NCAM2: variants seen among roughly 807,000 people sequenced by gnomAD.
The protein encoded by NCAM2 is N-CAM-2.
NCAM2 carries 30 observed loss-of-function variants against 98.1 expected under a neutral mutation model. The observed-to-expected ratio is 0.31, with a 90% CI of 0.23 to 0.41. The LOEUF is 0.41. Among genes scored for constraint, NCAM2 ranks in the 10% least tolerant of loss-of-function variants. The probability of loss-of-function intolerance (pLI) is 1.00; values close to 1 mark genes in which losing one functional copy is unlikely to be tolerated. For synonymous variants in NCAM2, 368 were observed against 342.4 expected (o/e 1.07, Z -0.83); for missense variants, 867 against 1,005.8 (o/e 0.86, Z 1.87).
At position 21,433,742 on chromosome 21, in the gene NCAM2, CAATAAAATAAAATAAAATAA is replaced by C. The variant is rs71322060; in HGVS notation, c.1654+1499_1654+1518del. On this transcript the variant is annotated intron_variant, in intron 12 of 17. Transcript: ENST00000400546. Reference sequence around the variant, plus strand: ...TGGGCGACAGAGCAAGACTCCATCTCAATAAAATAAAATAAAATAAAATAAAATAAAATAAAATAAAATAA... The same window carrying C: ...TGGGCGACAGAGCAAGACTCCATCTCAATAAAATAAAATAAAATAAAATAA... Among the ~76,000 whole-genome samples, 480 of 105,208 alleles carry C rather than the reference CAATAAAATAAAATAAAATAA, an allele frequency of 4.6e-3. 2 individuals are homozygous for C. Among genetic ancestry groups the C allele is most frequent in the African/African-American group, 0.016 (409 of 25,658 alleles). The allele number at this position is 105,208 out of a possible 152,430, so 69.0% of individuals were successfully genotyped here.
intron 1 of NCAM2, among the ~76,000 whole-genome samples, chr21:21,198,135 C>T (rs1043274380): frequency 2.2e-4 from 33 of 150,962 alleles, no homozygotes; most frequent in Non-Finnish European, 4.0e-4. Flanking sequence ...TCAGCTGCTA[C>T]TTATCTACCT....
intron 1 of NCAM2, among the ~76,000 whole-genome samples, chr21:21,141,130 A>C (rs1477006373): frequency 6.6e-6 from 1 of 152,182 alleles, no homozygotes; most frequent in Non-Finnish European, 1.5e-5. Flanking sequence ...TAGAAGACAT[A>C]ACACTTCATA....
intron 9 of NCAM2, among the ~76,000 whole-genome samples, chr21:21,376,596 A>G (rs2148066352): frequency 6.6e-6 from 1 of 151,960 alleles, no homozygotes; most frequent in South Asian, 2.1e-4. Flanking sequence ...AAACAACTGT[A>G]TATTGCAATT....
intron 15 of NCAM2, among the ~76,000 whole-genome samples, chr21:21,486,448 G>A (rs796855979): frequency 1.4e-4 from 21 of 151,230 alleles, no homozygotes; most frequent in East Asian, 5.9e-4. Context: ...CCAATATTCC[G>A]TTTATTAAAT....
chr21:21,352,091 G>T (rs912662052), intron 8 of NCAM2, among the ~76,000 whole-genome samples: 3 of 151,684 alleles, frequency 2.0e-5, no homozygotes, highest in African/African-American at 7.3e-5. Flanking sequence ...TTTTGAGAAA[G>T]GGTCTTGCTT....
At chr21:21,367,064 C>T (rs573542667) in intron 8 of NCAM2, among the ~76,000 whole-genome samples, 10 of 152,050 alleles carry the variant, frequency 6.6e-5, no homozygotes, top group African/African-American at 2.4e-4. Context: ...ACATTATCAC[C>T]ATATCTCTGA....
intron 9 of NCAM2, among the ~76,000 whole-genome samples, chr21:21,408,462 A>T (rs1263028072): frequency 6.6e-6 from 1 of 152,126 alleles, no homozygotes; most frequent in African/African-American, 2.4e-5. Context: ...TTTTCTCTGG[A>T]TACATACTGG....
At position 21,329,689 on chromosome 21, in the gene NCAM2, G is replaced by C. The variant is rs181874700; in HGVS notation, c.737+5189G>C. On this transcript the variant is annotated intron_variant, in intron 6 of 17. Coordinates refer to ENST00000400546, the MANE Select transcript of NCAM2 (RefSeq NM_004540.5). Reference sequence around the variant, plus strand: ...TTACTAGTGTCAGAGAATGAGTAGTGAAGTATTTCTTCCTCTTCTGTTTTC... The same window carrying C: ...TTACTAGTGTCAGAGAATGAGTAGTCAAGTATTTCTTCCTCTTCTGTTTTC... 1.5e-3 allele frequency among the ~76,000 whole-genome samples: 226 copies of C among 151,538 alleles called. 2 individuals are homozygous for C. The highest frequency in any genetic ancestry group is 5.3e-3 in the African/African-American group (219 of 41,250).
chr21:21,143,131 T>A (rs1316426554), intron 1 of NCAM2, among the ~76,000 whole-genome samples: 1 of 152,074 alleles, frequency 6.6e-6, no homozygotes, highest in Non-Finnish European at 1.5e-5. Context: ...GATTTTAACA[T>A]TTTTTTGTCT....
chr21:21,278,220 C>T (rs1010734455), intron 1 of NCAM2, among the ~76,000 whole-genome samples: 1 of 151,668 alleles, frequency 6.6e-6, no homozygotes, highest in Non-Finnish European at 1.5e-5. Context: ...TATCCATAAA[C>T]ATTCTCAAGT....
At chr21:21,518,339 A>T (rs1445831894) in intron 16 of NCAM2, among the ~76,000 whole-genome samples, 1 of 152,184 alleles carries the variant, frequency 6.6e-6, no homozygotes, top group Non-Finnish European at 1.5e-5. Context: ...ACAAAATGCA[A>T]ACTGCATATT....
At chr21:21,199,703 C>T (rs1350819017) in intron 1 of NCAM2, among the ~76,000 whole-genome samples, 10 of 152,132 alleles carry the variant, frequency 6.6e-5, no homozygotes, top group Non-Finnish European at 1.2e-4. Context: ...TACACATTAC[C>T]ACTGCATAGA....
Position 21,242,862 on chromosome 21 carries a change from C to A in NCAM2, c.56-37716C>A, listed in dbSNP as rs572497523. Among the ~76,000 whole-genome samples the A allele has an allele frequency of 4.1e-4, 63 of 152,130 alleles. No individual in the cohort carries two copies. In the South Asian group the frequency reaches 0.013, roughly 31 times the overall value. On this transcript the variant is annotated intron_variant, in intron 1 of 17. Coordinates refer to ENST00000400546, the MANE Select transcript of NCAM2 (RefSeq NM_004540.5). ...CTTAACATTTAAGTAGGAGGAAAAG[C>A]TTTTGGAATTGCTATGAAGGGAAAG...
intron 1 of NCAM2, among the ~76,000 whole-genome samples, chr21:21,275,211 C>T (rs941511870): frequency 3.9e-5 from 6 of 151,948 alleles, no homozygotes; most frequent in Admixed American, 6.6e-5. Flanking sequence ...GAGGCCGAGG[C>T]GGGTGGATCA....
intron 1 of NCAM2, among the ~76,000 whole-genome samples, chr21:21,071,921 A>G (rs1016759970): frequency 1.6e-5 from 2 of 127,240 alleles, no homozygotes; most frequent in African/African-American, 6.1e-5. Context: ...CTATCTATCT[A>G]TATTTTTTTG....
chr21:21,176,441 C>G (rs1285121243), intron 1 of NCAM2, among the ~76,000 whole-genome samples: 1 of 152,080 alleles, frequency 6.6e-6, no homozygotes, highest in Admixed American at 6.5e-5. Flanking sequence ...AACCATCTAT[C>G]TTTCATATAT....
At chr21:21,383,621 C>A (rs770454292) in intron 9 of NCAM2, among the ~76,000 whole-genome samples, 7 of 152,006 alleles carry the variant, frequency 4.6e-5, no homozygotes, top group Non-Finnish European at 8.8e-5. Context: ...ATATTATTTT[C>A]AGAGTTCTAA....
intron 12 of NCAM2, among the ~76,000 whole-genome samples, chr21:21,443,600 C>T (rs1979646121): frequency 6.6e-6 from 1 of 152,002 alleles, no homozygotes; most frequent in Non-Finnish European, 1.5e-5. Context: ...TTTTCAAATG[C>T]TGTAGCATAC....
At chr21:21,343,585 G>A (rs899234396) in intron 8 of NCAM2, among the ~76,000 whole-genome samples, 3 of 152,134 alleles carry the variant, frequency 2.0e-5, no homozygotes, top group Non-Finnish European at 2.9e-5. Flanking sequence ...AGAGAACATA[G>A]CAATTTTGAG....
Sources: gnomAD v4.1 joint callset for allele counts (sites outside exome capture counted in the v4.1 genomes callset) on GRCh38, gnomAD v4.1.1 for gene constraint, MANE v1.5 for transcripts, NCBI Gene and HGNC (gene_info 2026-07-23, HGNC 2026-07-21) for gene names.